Variants in MGAT4C observed in about 807,000 individuals in gnomAD.
MGAT4C encodes the protein MGAT4 family member C.
In MGAT4C, 19 loss-of-function variants were observed where a neutral mutation model predicts 40.1. That is an observed-to-expected ratio of 0.47 (90% CI 0.33 to 0.70). The LOEUF (loss-of-function observed/expected upper bound fraction) is 0.70. MGAT4C is among the 30% of genes least tolerant of loss of function. MGAT4C has a pLI of 0.02. For missense variants in MGAT4C, 491 were observed against 563.2 expected, an observed-to-expected ratio of 0.87 and a Z score of 1.30; for synonymous variants, 181 against 187.1, an observed-to-expected ratio of 0.97 and a Z score of 0.27.
intron 3 of MGAT4C, among the ~76,000 whole-genome samples, chr12:86,350,677 A>G (rs377128151): frequency 2.2e-4 from 34 of 152,192 alleles, no homozygotes; most frequent in African/African-American, 8.2e-4. Flanking sequence ...ATACACAAGC[A>G]ACACATTGTA....
intron 4 of MGAT4C, among the ~76,000 whole-genome samples, chr12:86,309,923 A>G (rs537099000): frequency 1.1e-4 from 16 of 152,332 alleles, no homozygotes; most frequent in Non-Finnish European, 2.1e-4. Flanking sequence ...AATTTATAAA[A>G]TAGGGAAGTG....
At chr12:86,646,166 G>T (rs931285694) in intron 2 of MGAT4C, among the ~76,000 whole-genome samples, 1 of 151,790 alleles carries the variant, frequency 6.6e-6, no homozygotes, top group African/African-American at 2.4e-5. Flanking sequence ...TTGGAAAAAA[G>T]TGAGGATGGG....
intron 1 of MGAT4C, among the ~76,000 whole-genome samples, chr12:86,166,222 C>T (rs1886175016): frequency 6.6e-6 from 1 of 151,996 alleles, no homozygotes; most frequent in South Asian, 2.1e-4. Context: ...GGTTGAAAAC[C>T]ATTTACAAAA....
intron 2 of MGAT4C, among the ~76,000 whole-genome samples, chr12:86,041,235 T>G (rs1172718044): frequency 6.6e-6 from 1 of 152,112 alleles, no homozygotes. Flanking sequence ...TGTAGCTACT[T>G]GTTTGTCCAT....
At position 86,504,869 on chromosome 12, in the gene MGAT4C, G is replaced by A. The variant is rs73193205; in HGVS notation, c.-228-69604C>T. On this transcript the variant is annotated intron_variant, in intron 2 of 7. Transcript: ENST00000548651. The stretch of plus-strand genomic sequence containing the variant: ...GCTCAATGTTGGCCACGATGGTCTC[G>A]ATCTCTTAACCTAGTGATCTGCCCG... 2.4e-3 allele frequency among the ~76,000 whole-genome samples: 369 copies of A among 152,112 alleles called. 1 individual carries two copies. Among genetic ancestry groups the A allele is most frequent in the Non-Finnish European group, 4.4e-3 (297 of 67,988 alleles).
At chr12:86,030,846 A>G (rs528060471) in intron 2 of MGAT4C, among the ~76,000 whole-genome samples, 7 of 151,894 alleles carry the variant, frequency 4.6e-5, no homozygotes, top group Middle Eastern at 3.4e-3. Context: ...AATCCAAGTG[A>G]CCGATTTAAT....
In MGAT4C at chr12:86,052,757, A is replaced by G. The variant is rs1893012474; in HGVS notation, c.-56-3034T>C. On this transcript the variant is annotated intron_variant, in intron 1 of 4. Transcript: ENST00000611864. The stretch of plus-strand genomic sequence containing the variant: ...TGATGGGAATCTTACAGAAAAAAAA[A>G]TGGGTTAAACTGACAATTCTTCACT... Among the ~76,000 whole-genome samples, 4 of 151,994 alleles carry G rather than the reference A, an allele frequency of 2.6e-5. No homozygotes were observed. In the South Asian group the frequency reaches 8.3e-4, roughly 31 times the overall value.
chr12:86,835,447 C>T (rs141014272), intron 1 of MGAT4C, among the ~76,000 whole-genome samples: 13 of 151,754 alleles, frequency 8.6e-5, no homozygotes, highest in Admixed American at 2.0e-4. Flanking sequence ...TGGATTGGTA[C>T]GCTTGAACTA....
At chr12:86,769,888 G>T (rs977129525) in intron 1 of MGAT4C, among the ~76,000 whole-genome samples, 1 of 152,042 alleles carries the variant, frequency 6.6e-6, no homozygotes, top group African/African-American at 2.4e-5. Context: ...GGGAGGGATA[G>T]CATTAGGAGA....
At chr12:86,715,260 A>G (rs1277377186) in intron 2 of MGAT4C, among the ~76,000 whole-genome samples, 1 of 151,836 alleles carries the variant, frequency 6.6e-6, no homozygotes, top group Non-Finnish European at 1.5e-5. Flanking sequence ...TTTTTTTCTT[A>G]AAGTAAACTA....
intron 1 of MGAT4C, among the ~76,000 whole-genome samples, chr12:86,160,539 T>A (rs1885478994): frequency 1.3e-5 from 2 of 152,052 alleles, no homozygotes; most frequent in Admixed American, 1.3e-4. Flanking sequence ...ATGAGAAGAA[T>A]GAGTATTCTG....
At chr12:86,469,259 T>C (rs886966934) in intron 2 of MGAT4C, among the ~76,000 whole-genome samples, 5 of 152,160 alleles carry the variant, frequency 3.3e-5, no homozygotes, top group African/African-American at 1.2e-4. Context: ...TACCCTGTTG[T>C]GTAAGGCTTC....
intron 3 of MGAT4C, among the ~76,000 whole-genome samples, chr12:86,417,966 A>G (rs1454789190): frequency 1.3e-5 from 2 of 152,184 alleles, no homozygotes; most frequent in African/African-American, 2.4e-5. Context: ...TTTCTTGCCC[A>G]ACATTATACA....
At chr12:86,341,249 T>C (rs1464640779) in intron 3 of MGAT4C, among the ~76,000 whole-genome samples, 1 of 152,132 alleles carries the variant, frequency 6.6e-6, no homozygotes, top group Admixed American at 6.5e-5. Context: ...CCCAGGAAAC[T>C]ATGCTTCTCC....
At chr12:86,747,813 G>A (rs546311064) in intron 1 of MGAT4C, among the ~76,000 whole-genome samples, 14 of 151,328 alleles carry the variant, frequency 9.3e-5, no homozygotes, top group South Asian at 2.1e-4. Flanking sequence ...TGGCTGATAC[G>A]TGCAATTTGA....
intron 1 of MGAT4C, among the ~76,000 whole-genome samples, chr12:86,091,979 C>T (rs1478717323): frequency 6.6e-6 from 1 of 152,070 alleles, no homozygotes; most frequent in African/African-American, 2.4e-5. Flanking sequence ...ATTGCCTTTC[C>T]TTTTCTTTTT....
intron 1 of MGAT4C, among the ~76,000 whole-genome samples, chr12:86,765,384 G>A (rs921868153): frequency 6.6e-5 from 10 of 152,134 alleles, no homozygotes; most frequent in Admixed American, 2.0e-4. Context: ...CCAAATCTAC[G>A]TCTGATTTGT....
intron 4 of MGAT4C, among the ~76,000 whole-genome samples, chr12:86,325,099 C>G (rs1012020379): frequency 1.3e-5 from 2 of 151,912 alleles, no homozygotes; most frequent in South Asian, 4.1e-4. Flanking sequence ...CATGGATGAA[C>G]AACAATTTGA....
intron 1 of MGAT4C, among the ~76,000 whole-genome samples, chr12:86,157,439 A>G (rs941512212): frequency 3.9e-5 from 6 of 152,196 alleles, no homozygotes; most frequent in African/African-American, 1.4e-4. Flanking sequence ...TGCAAATTAA[A>G]TGTGTCATTA....
Sources: allele counts gnomAD v4.1 joint callset (sites outside exome capture counted in the v4.1 genomes callset), GRCh38; gene constraint gnomAD v4.1.1; transcripts MANE v1.5; gene names NCBI Gene and HGNC (gene_info 2026-07-23, HGNC 2026-07-21).